The following SNX30 variants were observed in gnomAD, a reference collection of about 807,000 sequenced individuals.
The protein encoded by SNX30 is sorting nexin family member 30.
In SNX30, 24 loss-of-function variants were observed where a neutral mutation model predicts 46.4. That is an observed-to-expected ratio of 0.52 (90% CI 0.37 to 0.73). The LOEUF (loss-of-function observed/expected upper bound fraction) is 0.73. Ranked by LOEUF, SNX30 falls within the 30% of genes least tolerant of loss-of-function variation. SNX30 has a pLI of 0.00. For synonymous variants in SNX30, 189 were observed against 211.5 expected (o/e 0.89, Z 0.92); for missense variants, 533 against 555.7 (o/e 0.96, Z 0.41).
At chr9:112,810,238 C>T (rs4979158) in intron 2 of SNX30, among the ~76,000 whole-genome samples, 116,791 of 151,890 alleles carry the variant, frequency 0.77, 45,298 homozygotes, top group South Asian at 0.86. Context: ...AGTGAGCTGA[C>T]GTAAGGGAGT....
At position 112,806,215 on chromosome 9, in the gene SNX30, A is replaced by G. The variant is rs189721296; in HGVS notation, c.348+1248A>G. The stretch of plus-strand genomic sequence containing the variant: ...CCAAAAATGTCTCCAGACATTGCCA[A>G]ATGTTCCCTGGGGGACAGGATTGCC... On this transcript the variant is annotated intron_variant, in intron 2 of 8. Coordinates refer to ENST00000374232, the MANE Select transcript of SNX30 (RefSeq NM_001012994.2). 3.8e-3 allele frequency among the ~76,000 whole-genome samples: 581 copies of G among 152,194 alleles called. 1 individual carries two copies. Among genetic ancestry groups the G allele is most frequent in the Non-Finnish European group, 4.5e-3 (308 of 68,016 alleles).
chr9:112,841,452 G>A (rs1840857119), intron 6 of SNX30, among the ~76,000 whole-genome samples: 1 of 152,180 alleles, frequency 6.6e-6, no homozygotes, highest in Admixed American at 6.5e-5. Flanking sequence ...TGAAAAATCA[G>A]GTCAATCAGG....
At chr9:112,884,866 C>T (rs1841624162), downstream of SNX30, among the ~76,000 whole-genome samples, 1 of 152,160 alleles carries the variant, frequency 6.6e-6, no homozygotes, top group Non-Finnish European at 1.5e-5. Context: ...AACCAACTGC[C>T]AATAAAATTG....
intron 7 of SNX30, among the ~76,000 whole-genome samples, chr9:112,854,861 CAT>C (rs772987213): frequency 2.0e-5 from 3 of 152,212 alleles, no homozygotes; most frequent in Non-Finnish European, 2.9e-5. Flanking sequence ...GCCTCCCACA[CAT>C]GAGTGTTGTG....
At chr9:112,823,212 T>C (rs988938688) in intron 3 of SNX30, among the ~76,000 whole-genome samples, 10 of 152,224 alleles carry the variant, frequency 6.6e-5, no homozygotes, top group Non-Finnish European at 1.0e-4. Context: ...AAACATAGTA[T>C]ATACAGGGTT....
intron 1 of SNX30, among the ~76,000 whole-genome samples, chr9:112,778,061 G>T (rs1055950666): frequency 6.6e-6 from 1 of 152,024 alleles, no homozygotes; most frequent in Non-Finnish European, 1.5e-5. Flanking sequence ...CATTGGACTG[G>T]TTGCCTAAGG....
At chr9:112,861,941 A>G (rs113452551) in intron 7 of SNX30, among the ~76,000 whole-genome samples, 4,018 of 151,796 alleles carry the variant, frequency 0.026, 162 homozygotes, top group African/African-American at 0.092. Flanking sequence ...AACACTTACG[A>G]TATCTTGCCT....
Position 112,820,482 on chromosome 9 carries a change from T to C in SNX30, c.459+2667T>C, listed in dbSNP as rs180723834. On this transcript the variant is annotated intron_variant, in intron 3 of 8. Transcript: ENST00000374232. ...CCTGCCTTGGGGAACTTATTATCAG[T>C]TGGAGACCCAGCAAACATGCAGAAA... Among the ~76,000 whole-genome samples, 198 of 152,352 alleles carry C rather than the reference T, an allele frequency of 1.3e-3. 1 individual carries two copies. Among genetic ancestry groups the C allele is most frequent in the Non-Finnish European group, 1.8e-4 (12 of 68,040 alleles).
chr9:112,868,667 A>G (rs1841399035), intron 8 of SNX30, 117 bp from the exon 9 acceptor site: 1 of 1,044,684 alleles, frequency 9.6e-7, no homozygotes, highest in South Asian at 1.3e-5. Flanking sequence ...TGCAGGCATC[A>G]TTAGACAAAG....
chr9:112,751,014 C>A lies in SNX30; in HGVS notation c.13C>A (p.Pro5Thr). Residue 5 changes from proline (P) to threonine (T), a missense_variant, in exon 1 of 9, where the codon CCC becomes ACC. Around this residue, in one of 3 missense-constraint regions of SNX30, gnomAD observed 191 missense variants for 160.3 expected, o/e 1.19. Transcript: ENST00000374232. Reference protein sequence around the residue: MAGGPPKALPSTGPH... With the variant: MAGGTPKALPSTGPH... ...AGCGGTGCGCGCCATGGCGGGCGGGCCCCCCAAGGCCCTGCCGTCCACGGG... is the reference window on the plus strand; with the variant it reads ...AGCGGTGCGCGCCATGGCGGGCGGGACCCCCAAGGCCCTGCCGTCCACGGG... The A allele has an allele frequency of 3.9e-6, 5 of 1,291,172 alleles. No homozygotes were observed. Among genetic ancestry groups the A allele is most frequent in the Non-Finnish European group, 4.9e-6 (5 of 1,019,234 alleles). The allele number at this position is 1,291,172 out of a possible 1,614,324, so 80.0% of individuals were successfully genotyped here. A position where few individuals can be genotyped will look rare whatever the true frequency, so the allele number is the denominator to read the frequency against.
chr9:112,846,017 A>T (rs1458527776), intron 6 of SNX30, among the ~76,000 whole-genome samples: 3 of 152,230 alleles, frequency 2.0e-5, no homozygotes, highest in Non-Finnish European at 4.4e-5. Context: ...AGTAATTTTT[A>T]AAAATTCAGA....
chr9:112,834,833 CACACACACAA>C (rs1284490588), intron 4 of SNX30, among the ~76,000 whole-genome samples: 7 of 125,980 alleles, frequency 5.6e-5, no homozygotes, highest in Admixed American at 2.6e-4. Context: ...ATTAAACACA[CACACACACAA>C]ACACACACAC....
downstream of SNX30, among the ~76,000 whole-genome samples, chr9:112,882,682 T>C (rs1395900598): frequency 1.4e-4 from 21 of 151,592 alleles, no homozygotes; most frequent in Admixed American, 1.4e-3. Flanking sequence ...GCCTGATTGA[T>C]TGGAGGTGGG....
At chr9:112,868,759 C>G in intron 8 of SNX30, 25 bp from the exon 9 acceptor site, 1 of 1,613,672 alleles carries the variant, frequency 6.2e-7, no homozygotes, top group Non-Finnish European at 8.5e-7. Context: ...AAAGCTGATA[C>G]TGTGTGTGTA....
At chr9:112,840,506 T>TG (rs1840837747) in intron 6 of SNX30, among the ~76,000 whole-genome samples, 1 of 152,196 alleles carries the variant, frequency 6.6e-6, no homozygotes, top group Non-Finnish European at 1.5e-5. Context: ...TTTTTTGAGA[T>TG]GGAGTCTCAC....
chr9:112,867,186 C>G (rs149817123), intron 8 of SNX30, among the ~76,000 whole-genome samples: 14 of 143,428 alleles, frequency 9.8e-5, no homozygotes, highest in African/African-American at 3.7e-4. Flanking sequence ...CTCCTCCCTC[C>G]TCACAACTCC....
At chr9:112,825,955 T>A (rs1209652359) in intron 3 of SNX30, among the ~76,000 whole-genome samples, 3 of 152,202 alleles carry the variant, frequency 2.0e-5, no homozygotes, top group Non-Finnish European at 4.4e-5. Context: ...AGGAGGAAAT[T>A]CTGCTTGCAG....
At chr9:112,792,669 A>T (rs1319736068) in intron 1 of SNX30, among the ~76,000 whole-genome samples, 2 of 152,048 alleles carry the variant, frequency 1.3e-5, no homozygotes, top group African/African-American at 4.8e-5. Context: ...CAAGCAATCC[A>T]CCTGCCTCGG....
At chr9:112,807,208 G>A (rs986416982) in intron 2 of SNX30, among the ~76,000 whole-genome samples, 2 of 151,838 alleles carry the variant, frequency 1.3e-5, no homozygotes, top group Non-Finnish European at 2.9e-5. Context: ...TGGGACTACA[G>A]ATGTATGCCA....
Sources: gnomAD v4.1 joint callset for allele counts (sites outside exome capture counted in the v4.1 genomes callset) on GRCh38, gnomAD v4.1.1 for gene constraint, gnomAD v4.1.1 regional missense constraint, MANE v1.5 for transcripts, NCBI Gene and HGNC (gene_info 2026-07-23, HGNC 2026-07-21) for gene names.